RERE: variants seen among roughly 807,000 people sequenced by gnomAD.
RERE encodes the protein arginine-glutamic acid dipeptide repeats protein.
In RERE, 40 loss-of-function variants were observed where a neutral mutation model predicts 146.1. The ratio of observed to expected loss-of-function variants is 0.27; its 90% confidence interval spans 0.21 to 0.36. RERE has a LOEUF of 0.36. Among genes scored for constraint, RERE ranks in the 10% least tolerant of loss-of-function variants. The pLI, the probability that RERE is intolerant of heterozygous loss-of-function variation, is 1.00. For missense variants in RERE, 1,933 were observed against 2,138.7 expected, an observed-to-expected ratio of 0.90 and a Z score of 1.90; for synonymous variants, 1,003 against 866.0, an observed-to-expected ratio of 1.16 and a Z score of -2.78.
chr1:8,763,708 A>T (rs1640796345), intron 1 of RERE, among the ~76,000 whole-genome samples: 1 of 152,194 alleles, frequency 6.6e-6, no homozygotes. Flanking sequence ...TGGGAGGCCG[A>T]GGCAGGCGGA....
chr1:8,428,001 G>A (rs1434148500), intron 11 of RERE, among the ~76,000 whole-genome samples: 2 of 152,192 alleles, frequency 1.3e-5, no homozygotes, highest in Non-Finnish European at 2.9e-5. Context: ...AGTTCATGGA[G>A]ACAGTCTGTT....
At chr1:8,700,237 G>A (rs1330250048) in intron 1 of RERE, among the ~76,000 whole-genome samples, 2 of 152,030 alleles carry the variant, frequency 1.3e-5, no homozygotes, top group African/African-American at 2.4e-5. Context: ...CCCGGGAGAC[G>A]GAGGCTGCAG....
intron 12 of RERE, among the ~76,000 whole-genome samples, chr1:8,401,036 ACC>A (rs1557611605): frequency 6.4e-4 from 5 of 7,752 alleles, no homozygotes; most frequent in Admixed American, 3.7e-3. Flanking sequence ...AAAAAAAAAA[ACC>A]ATATATATAT....
chr1:8,479,714 A>T (rs1644805769), intron 10 of RERE, among the ~76,000 whole-genome samples: 1 of 152,166 alleles, frequency 6.6e-6, no homozygotes, highest in Admixed American at 6.5e-5. Context: ...CCGGAGAGGT[A>T]CCCCACTGAC....
intron 1 of RERE, among the ~76,000 whole-genome samples, chr1:8,815,595 CAT>C (rs1232921082): frequency 1.3e-5 from 2 of 152,182 alleles, no homozygotes; most frequent in Non-Finnish European, 2.9e-5. Context: ...AGTCTCTGAA[CAT>C]GTTTTTGAGT....
intron 4 of RERE, among the ~76,000 whole-genome samples, chr1:8,595,975 C>T (rs1646551296): frequency 6.6e-6 from 1 of 152,236 alleles, no homozygotes. Flanking sequence ...CCAGCTCAGG[C>T]TTCAGCAAAC....
At chr1:8,673,687 G>A (rs1438818330) in intron 1 of RERE, among the ~76,000 whole-genome samples, 1 of 152,160 alleles carries the variant, frequency 6.6e-6, no homozygotes, top group Non-Finnish European at 1.5e-5. Context: ...AAACAGAAGT[G>A]CCAAAATAAG....
intron 1 of RERE, among the ~76,000 whole-genome samples, chr1:8,800,390 A>G (rs1641565326): frequency 6.6e-6 from 1 of 152,214 alleles, no homozygotes; most frequent in Admixed American, 6.5e-5. Context: ...AATAAATGAC[A>G]CTCAGAACGA....
chr1:8,719,397 A>G (rs562117686), intron 1 of RERE, among the ~76,000 whole-genome samples: 56 of 152,348 alleles, frequency 3.7e-4, no homozygotes, highest in Non-Finnish European at 4.7e-4. Flanking sequence ...GTCCCAAATT[A>G]GCATCCTTAA....
intron 20 of RERE, among the ~76,000 whole-genome samples, chr1:8,357,037 A>G (rs1641323631): frequency 6.6e-6 from 1 of 152,122 alleles, no homozygotes; most frequent in Non-Finnish European, 1.5e-5. Flanking sequence ...CGAAACCGCC[A>G]TACTGCCCCT....
intron 1 of RERE, among the ~76,000 whole-genome samples, chr1:8,789,381 T>C (rs1362017138): frequency 6.8e-6 from 1 of 147,690 alleles, no homozygotes; most frequent in Non-Finnish European, 1.5e-5. Context: ...TTCTCAAAGC[T>C]TATCTGTCCT....
intron 11 of RERE, among the ~76,000 whole-genome samples, chr1:8,431,417 G>A (rs1644093876): frequency 6.6e-6 from 1 of 152,204 alleles, no homozygotes; most frequent in Non-Finnish European, 1.5e-5. Context: ...AGGTGGGACT[G>A]TCCAGTTGCA....
intron 1 of RERE, among the ~76,000 whole-genome samples, chr1:8,662,992 A>T (rs1638490571): frequency 6.6e-6 from 1 of 152,194 alleles, no homozygotes; most frequent in Non-Finnish European, 1.5e-5. Context: ...TATCAATAAT[A>T]TGTATTTATT....
intron 12 of RERE, among the ~76,000 whole-genome samples, chr1:8,385,418 C>T (rs559659704): frequency 6.6e-6 from 1 of 152,272 alleles, no homozygotes; most frequent in East Asian, 1.9e-4. Flanking sequence ...GCAGAAATCA[C>T]AACTGATCCA....
chr1:8,465,753 T>C, intron 11 of RERE, 172 bp downstream of exon 11: 1 of 689,730 alleles, frequency 1.4e-6, no homozygotes, highest in Non-Finnish European at 2.7e-6. Flanking sequence ...AAATCAAGTC[T>C]TTCTGTACAA....
intron 11 of RERE, among the ~76,000 whole-genome samples, chr1:8,426,403 G>A (rs978233252): frequency 3.4e-5 from 5 of 146,740 alleles, no homozygotes; most frequent in Admixed American, 7.0e-5. Flanking sequence ...GCAGTGAGCC[G>A]AAATTGCGCC....
chr1:8,615,728 A>G (rs937768049), intron 3 of RERE, among the ~76,000 whole-genome samples: 6 of 152,202 alleles, frequency 3.9e-5, no homozygotes, highest in African/African-American at 1.4e-4. Context: ...CTGTAAACAA[A>G]GATTTTAATA....
chr1:8,787,264 G>C (rs1641275405), intron 1 of RERE, among the ~76,000 whole-genome samples: 1 of 152,132 alleles, frequency 6.6e-6, no homozygotes. Flanking sequence ...TGGCTCCCTA[G>C]CCTGTTCAAG....
chr1:8,394,015 C>G (rs1642970431), intron 12 of RERE, among the ~76,000 whole-genome samples: 1 of 152,178 alleles, frequency 6.6e-6, no homozygotes, highest in African/African-American at 2.4e-5. Flanking sequence ...AAATCCTATA[C>G]ACCATAACCC....
Sources: allele counts gnomAD v4.1 joint callset (sites outside exome capture counted in the v4.1 genomes callset), GRCh38; gene constraint gnomAD v4.1.1; transcripts MANE v1.5; gene names NCBI Gene and HGNC (gene_info 2026-07-23, HGNC 2026-07-21).